The following SNX6 variants were observed in gnomAD, a reference collection of about 807,000 sequenced individuals.
SNX6 encodes the protein sorting nexin-6.
Under a neutral mutation model 63.0 loss-of-function variants are expected in SNX6, and 34 were observed. That is an observed-to-expected ratio of 0.54 (90% CI 0.41 to 0.72). The LOEUF is 0.72. Ranked by LOEUF, SNX6 falls within the 30% of genes least tolerant of loss-of-function variation. The pLI, the probability that SNX6 is intolerant of heterozygous loss-of-function variation, is 0.00. For synonymous variants in SNX6, 170 were observed against 164.2 expected (o/e 1.04, Z -0.27); for missense variants, 398 against 471.4 (o/e 0.84, Z 1.44).
chr14:34,630,074 C>T (rs1405891119), intron 1 of SNX6, 37 bp downstream of exon 1: 5 of 1,455,578 alleles, frequency 3.4e-6, no homozygotes, highest in African/African-American at 1.5e-5. Flanking sequence ...CTGCCCCCAC[C>T]GCGCTCCCGG....
intron 2 of SNX6, among the ~76,000 whole-genome samples, chr14:34,620,650 T>C (rs577004848): frequency 6.6e-6 from 1 of 152,170 alleles, no homozygotes; most frequent in Admixed American, 6.6e-5. Context: ...TTTTTAAAAC[T>C]GGACATGGGG....
intron 7 of SNX6, among the ~76,000 whole-genome samples, chr14:34,596,736 T>C (rs1156860136): frequency 6.7e-6 from 1 of 150,236 alleles, no homozygotes; most frequent in Admixed American, 6.6e-5. Context: ...CAGGCTGGAG[T>C]GCAGTGGCAA....
At chr14:34,610,536 T>A (rs1241549015) in intron 2 of SNX6, among the ~76,000 whole-genome samples, 1 of 152,092 alleles carries the variant, frequency 6.6e-6, no homozygotes, top group Non-Finnish European at 1.5e-5. Context: ...GAATATACAA[T>A]GAAACTATCA....
chr14:34,614,272 C>T (rs377549998), intron 2 of SNX6, among the ~76,000 whole-genome samples: 23 of 150,954 alleles, frequency 1.5e-4, no homozygotes, highest in African/African-American at 2.4e-4. Flanking sequence ...AAAAAAAAAC[C>T]GAAAACAATA....
chr14:34,563,994 C>T (rs1463799688), intron 13 of SNX6, among the ~76,000 whole-genome samples: 1 of 152,064 alleles, frequency 6.6e-6, no homozygotes, highest in Non-Finnish European at 1.5e-5. Context: ...CTACCTCAGC[C>T]TCCCAAAGTG....
chr14:34,621,147 A>G (rs1391660344), intron 2 of SNX6, among the ~76,000 whole-genome samples: 1 of 151,968 alleles, frequency 6.6e-6, no homozygotes, highest in African/African-American at 2.4e-5. Flanking sequence ...GGATCTCTCT[A>G]CAGACCCCAG....
At chr14:34,569,026 T>C in intron 11 of SNX6, 1 of 1,455,318 alleles carries the variant, frequency 6.9e-7, no homozygotes, top group Non-Finnish European at 9.6e-7. Flanking sequence ...CTTGACGGTG[T>C]CCACCCATTC....
Position 34,593,099 on chromosome 14 carries a change from T to C in SNX6, c.664A>G (p.Asn222Asp). ...HERTFLLEYHNRVKDASAKSD... is the reference protein window; with the variant it reads ...HERTFLLEYHDRVKDASAKSD... ...TTAGCAGATGCATCCTTAACTCGGT[T>C]ATGATACTCCAAAAGAAATGTTCGT... The change falls in exon 8 of 14, where the codon AAC becomes GAC. Residue 222 changes from asparagine to aspartate, a missense_variant. Asn to Asp is a conservative substitution (Grantham distance 23, BLOSUM62 1). Transcript: ENST00000362031. The C allele has an allele frequency of 6.2e-7, 1 of 1,609,378 alleles. No individual in the cohort carries two copies. The highest frequency in any genetic ancestry group is 1.1e-5 in the South Asian group (1 of 89,428).
At chr14:34,568,632 CTGTT>C in intron 11 of SNX6, 1 of 671,174 alleles carries the variant, frequency 1.5e-6, no homozygotes, top group African/African-American at 2.1e-5. Flanking sequence ...TGCACTCAGC[CTGTT>C]TTTTTTTTTT....
intron 6 of SNX6, among the ~76,000 whole-genome samples, chr14:34,601,366 C>T (rs1265926950): frequency 6.6e-6 from 1 of 151,700 alleles, no homozygotes; most frequent in Non-Finnish European, 1.5e-5. Flanking sequence ...GCTGGGACTA[C>T]AGGCATGCGC....
At chr14:34,619,301 A>C (rs912853791) in intron 2 of SNX6, among the ~76,000 whole-genome samples, 2 of 152,114 alleles carry the variant, frequency 1.3e-5, no homozygotes, top group African/African-American at 4.8e-5. Flanking sequence ...GCATGCCTGT[A>C]GTCCCTGCTA....
At chr14:34,575,406 G>T (rs1010578736) in intron 11 of SNX6, among the ~76,000 whole-genome samples, 1 of 152,004 alleles carries the variant, frequency 6.6e-6, no homozygotes, top group African/African-American at 2.4e-5. Context: ...CATCATGCTA[G>T]CCAGGCTGGT....
chr14:34,581,695 C>T, intron 9 of SNX6, 95 bp from the exon 10 acceptor site: 1 of 682,260 alleles, frequency 1.5e-6, no homozygotes, highest in Admixed American at 2.2e-5. Context: ...TTAATAACAC[C>T]TTGTCTCATT....
intron 7 of SNX6, among the ~76,000 whole-genome samples, chr14:34,593,979 G>A (rs1272317514): frequency 2.0e-5 from 3 of 152,038 alleles, no homozygotes; most frequent in East Asian, 1.9e-4. Flanking sequence ...GCCTCCCAAC[G>A]TGCTAAAGTG....
At chr14:34,574,781 C>T (rs1206476530) in intron 11 of SNX6, among the ~76,000 whole-genome samples, 1 of 151,930 alleles carries the variant, frequency 6.6e-6, no homozygotes, top group African/African-American at 2.4e-5. Context: ...TGGTCTCGAA[C>T]TCCCAAACTC....
chr14:34,618,048 A>G (rs1333679650), intron 2 of SNX6, among the ~76,000 whole-genome samples: 1 of 152,174 alleles, frequency 6.6e-6, no homozygotes, highest in Non-Finnish European at 1.5e-5. Flanking sequence ...AAGCAAATGT[A>G]GAGAGATGGA....
Position 34,593,154 on chromosome 14 carries a change from T to C in SNX6, c.613-4A>G. ...GCTCAAAGAAATCATCTACATCCTATAAGATCAAAAGAAAATATAAACTTT... is the reference window on the plus strand; with the variant it reads ...GCTCAAAGAAATCATCTACATCCTACAAGATCAAAAGAAAATATAAACTTT... On this transcript the variant is annotated splice_polypyrimidine_tract_variant and splice_region_variant and intron_variant, in intron 7 of 13. Coordinates refer to ENST00000362031, the MANE Select transcript of SNX6 (RefSeq NM_152233.4). 1 of 1,552,344 alleles carries C rather than the reference T, an allele frequency of 6.4e-7. No individual in the cohort carries two copies. The highest frequency in any genetic ancestry group is 8.7e-7 in the Non-Finnish European group (1 of 1,144,184).
intron 2 of SNX6, among the ~76,000 whole-genome samples, chr14:34,615,179 T>C (rs72675230): frequency 0.023 from 3,433 of 152,286 alleles, 55 homozygotes; most frequent in Middle Eastern, 0.058. Context: ...TTTATCTATA[T>C]AAAATATCCC....
At position 34,567,805 on chromosome 14, in the gene SNX6, A is replaced by G. The variant is rs758715322; in HGVS notation, c.1082-34T>C. On this transcript the variant is annotated intron_variant, in intron 12 of 13. Coordinates refer to ENST00000362031, the MANE Select transcript of SNX6 (RefSeq NM_152233.4). ...AAGAAATTAGGATTATTTAATTTACATAATAGTCATAAAGCATATCTTGTG... is the reference window on the plus strand; with the variant it reads ...AAGAAATTAGGATTATTTAATTTACGTAATAGTCATAAAGCATATCTTGTG... The G allele has an allele frequency of 4.3e-6, 7 of 1,612,256 alleles. No individual in the cohort carries two copies. The Admixed American group carries it at 5.0e-5, about 12-fold the overall frequency.
Sources: gnomAD v4.1 joint callset for allele counts (sites outside exome capture counted in the v4.1 genomes callset) on GRCh38, gnomAD v4.1.1 for gene constraint, MANE v1.5 for transcripts, NCBI Gene and HGNC (gene_info 2026-07-23, HGNC 2026-07-21) for gene names.